SNCAIP: variants seen among roughly 807,000 people sequenced by gnomAD.
The protein encoded by SNCAIP is synuclein alpha interacting protein, also known as synphilin-1.
SNCAIP carries 43 observed loss-of-function variants against 86.7 expected under a neutral mutation model. That is an observed-to-expected ratio of 0.50 (90% CI 0.39 to 0.64). The LOEUF (loss-of-function observed/expected upper bound fraction) is 0.64. SNCAIP is among the 30% of genes least tolerant of loss of function. The pLI, the probability that SNCAIP is intolerant of heterozygous loss-of-function variation, is 0.00. For missense variants in SNCAIP, 981 were observed against 1,103.1 expected, an observed-to-expected ratio of 0.89 and a Z score of 1.57; for synonymous variants, 417 against 427.2, an observed-to-expected ratio of 0.98 and a Z score of 0.29.
chr5:122,428,271 C>T (rs985798812), intron 5 of SNCAIP, among the ~76,000 whole-genome samples: 2 of 152,180 alleles, frequency 1.3e-5, no homozygotes, highest in African/African-American at 4.8e-5. Flanking sequence ...AGCAAGTGGC[C>T]CCAGGCCCAT....
chr5:122,317,672 G>A (rs1432121893), intron 1 of SNCAIP, among the ~76,000 whole-genome samples: 1 of 152,086 alleles, frequency 6.6e-6, no homozygotes, highest in East Asian at 1.9e-4. Context: ...AGCAGGGAAG[G>A]GGTAGTTTTT....
intron 1 of SNCAIP, among the ~76,000 whole-genome samples, chr5:122,360,881 A>G (rs1361716343): frequency 2.0e-5 from 3 of 152,132 alleles, no homozygotes; most frequent in African/African-American, 7.2e-5. Flanking sequence ...AGAGGTCCTC[A>G]TTATCTGAAT....
chr5:122,403,787 G>A lies in SNCAIP; in HGVS notation c.58-6G>A, dbSNP rs375361793. The A allele has an allele frequency of 2.2e-5, 35 of 1,611,674 alleles. No individual in the cohort carries two copies. The highest frequency in any genetic ancestry group is 3.3e-4 in the Middle Eastern group (2 of 6,054). ...TATGCCCTCTCTTCTCTGGCTTCCC[G>A]TTCAGTATTCAGTCACATCACTCAA... On this transcript the variant is annotated splice_region_variant and splice_polypyrimidine_tract_variant and intron_variant, in intron 2 of 10. Coordinates refer to ENST00000261368, the MANE Select transcript of SNCAIP (RefSeq NM_005460.4).
intron 1 of SNCAIP, among the ~76,000 whole-genome samples, chr5:122,359,714 C>T (rs987444550): frequency 3.9e-5 from 6 of 152,036 alleles, no homozygotes; most frequent in African/African-American, 1.5e-4. Flanking sequence ...ATTCACTATG[C>T]CTCACTCCAG....
intron 1 of SNCAIP, chr5:122,312,944 A>G (rs1392934774): frequency 1.3e-5 from 2 of 152,258 alleles, no homozygotes; most frequent in African/African-American, 4.8e-5. Context: ...ACCCAATTTT[A>G]GCTAATTGTC....
At chr5:122,394,647 C>A (rs983643230) in intron 2 of SNCAIP, among the ~76,000 whole-genome samples, 1 of 152,160 alleles carries the variant, frequency 6.6e-6, no homozygotes, top group African/African-American at 2.4e-5. Flanking sequence ...GTCTTAAAAA[C>A]AAAAACCCTC....
intron 1 of SNCAIP, among the ~76,000 whole-genome samples, chr5:122,317,754 A>G (rs1405657484): frequency 2.0e-5 from 3 of 152,156 alleles, no homozygotes; most frequent in East Asian, 3.9e-4. Context: ...ATTAAATACT[A>G]TAACACCTGT....
chr5:122,415,876 AC>A (rs1175863207), intron 3 of SNCAIP, among the ~76,000 whole-genome samples: 5 of 152,184 alleles, frequency 3.3e-5, no homozygotes, highest in Non-Finnish European at 7.3e-5. Context: ...TGGTAAATGG[AC>A]CTGGAATGAA....
At chr5:122,316,845 T>G (rs897685608) in intron 1 of SNCAIP, among the ~76,000 whole-genome samples, 34 of 152,346 alleles carry the variant, frequency 2.2e-4, no homozygotes, top group African/African-American at 7.7e-4. Context: ...GTGCAGCTGC[T>G]GGGCCAGACA....
At chr5:122,374,534 T>C (rs1218442116) in intron 1 of SNCAIP, among the ~76,000 whole-genome samples, 1 of 152,120 alleles carries the variant, frequency 6.6e-6, no homozygotes, top group Non-Finnish European at 1.5e-5. Context: ...CATTGGAGAG[T>C]ATAGCTAGAG....
intron 1 of SNCAIP, chr5:122,321,830 C>A (rs1394218286): frequency 6.6e-6 from 1 of 152,162 alleles, no homozygotes; most frequent in East Asian, 1.9e-4. Flanking sequence ...ATCTAGGCTT[C>A]TAACCTAGAA....
chr5:122,440,601 T>C (rs1780661564), intron 6 of SNCAIP, 28 bp from the exon 7 acceptor site: 2 of 1,609,106 alleles, frequency 1.2e-6, no homozygotes, highest in Admixed American at 1.7e-5. Context: ...AGATATTACA[T>C]GAATTCCAAC....
chr5:122,361,762 G>C (rs1475787689), intron 1 of SNCAIP, among the ~76,000 whole-genome samples: 3 of 152,128 alleles, frequency 2.0e-5, no homozygotes, highest in African/African-American at 7.2e-5. Context: ...AGATTTTCCA[G>C]AACAGCCTTT....
chr5:122,444,480 T>C (rs1781841822), intron 7 of SNCAIP, 83 bp from the exon 8 acceptor site: 3 of 1,293,664 alleles, frequency 2.3e-6, no homozygotes, highest in Non-Finnish European at 3.4e-6. Context: ...GCTCTCTTCA[T>C]ACTATTCAAC....
At chr5:122,385,865 C>G (rs1005419090) in intron 1 of SNCAIP, among the ~76,000 whole-genome samples, 55 of 152,218 alleles carry the variant, frequency 3.6e-4, no homozygotes, top group African/African-American at 1.3e-3. Flanking sequence ...ATTACCAGGC[C>G]TCATAGTATA....
intron 1 of SNCAIP, among the ~76,000 whole-genome samples, chr5:122,345,679 G>A (rs369073817): frequency 6.2e-5 from 9 of 145,064 alleles, no homozygotes; most frequent in African/African-American, 2.4e-4. Context: ...TCAACACCCG[G>A]AGTCAGGGGA....
intron 1 of SNCAIP, among the ~76,000 whole-genome samples, chr5:122,346,329 T>C (rs949966234): frequency 2.0e-5 from 3 of 152,156 alleles, no homozygotes; most frequent in Non-Finnish European, 4.4e-5. Context: ...GCTAATAGTA[T>C]TTTTATTATT....
intron 1 of SNCAIP, among the ~76,000 whole-genome samples, chr5:122,382,198 T>C (rs1226242952): frequency 5.3e-5 from 8 of 152,196 alleles, no homozygotes; most frequent in Non-Finnish European, 1.2e-4. Flanking sequence ...GTAGATTTGG[T>C]CTTTTCACAT....
intron 1 of SNCAIP, among the ~76,000 whole-genome samples, chr5:122,318,128 G>A (rs1440007557): frequency 6.6e-6 from 1 of 152,072 alleles, no homozygotes; most frequent in Non-Finnish European, 1.5e-5. Flanking sequence ...TCCTGTGGGT[G>A]CAGGGGATGG....
Sources: gnomAD v4.1 joint callset for allele counts (sites outside exome capture counted in the v4.1 genomes callset) on GRCh38, gnomAD v4.1.1 for gene constraint, MANE v1.5 for transcripts, NCBI Gene and HGNC (gene_info 2026-07-23, HGNC 2026-07-21) for gene names.